LHFPL6: variants seen among roughly 807,000 people sequenced by gnomAD.
LHFPL6 encodes the protein LHFPL tetraspan subfamily member 6 protein.
A neutral mutation model predicts 20.6 loss-of-function variants in LHFPL6; 9 were observed. The ratio of observed to expected loss-of-function variants is 0.44; its 90% CI spans 0.26 to 0.76. The LOEUF (loss-of-function observed/expected upper bound fraction) is 0.76. Ranked by LOEUF, LHFPL6 falls within the 30% of genes least tolerant of loss-of-function variation. The probability of loss-of-function intolerance (pLI) is 0.20; values close to 1 mark genes in which losing one functional copy is unlikely to be tolerated. For missense variants in LHFPL6, 218 were observed against 253.5 expected (o/e 0.86, Z 0.95); for synonymous variants, 105 against 98.7 (o/e 1.06, Z -0.38).
chr13:39,359,166 C>T (rs1204122868), intron 3 of LHFPL6, among the ~76,000 whole-genome samples: 1 of 152,082 alleles, frequency 6.6e-6, no homozygotes, highest in Non-Finnish European at 1.5e-5. Context: ...GTCTCCAAAA[C>T]AAAACACCTA....
intron 2 of LHFPL6, among the ~76,000 whole-genome samples, chr13:39,541,546 C>T (rs1363443256): frequency 6.6e-6 from 1 of 152,160 alleles, no homozygotes; most frequent in Admixed American, 6.5e-5. Flanking sequence ...ATCTTATTAT[C>T]CTTCAGGACC....
At chr13:39,386,834 C>T (rs1288871055) in intron 2 of LHFPL6, among the ~76,000 whole-genome samples, 1 of 152,204 alleles carries the variant, frequency 6.6e-6, no homozygotes, top group Non-Finnish European at 1.5e-5. Flanking sequence ...GCACCTATTA[C>T]TGGTTCTTTG....
intron 2 of LHFPL6, among the ~76,000 whole-genome samples, chr13:39,435,641 A>G (rs1482486228): frequency 6.6e-6 from 1 of 152,220 alleles, no homozygotes; most frequent in Non-Finnish European, 1.5e-5. Flanking sequence ...ATACATATGT[A>G]TATACTACAT....
intron 2 of LHFPL6, among the ~76,000 whole-genome samples, chr13:39,401,802 G>A (rs1870997173): frequency 6.6e-6 from 1 of 152,152 alleles, no homozygotes; most frequent in South Asian, 2.1e-4. Flanking sequence ...ATTTCAAAAA[G>A]CCAATTAGCT....
At chr13:39,385,357 T>C (rs887007218) in intron 2 of LHFPL6, among the ~76,000 whole-genome samples, 1 of 152,228 alleles carries the variant, frequency 6.6e-6, no homozygotes, top group Non-Finnish European at 1.5e-5. Context: ...AATTAAAATA[T>C]TTTAAGACTA....
intron 2 of LHFPL6, among the ~76,000 whole-genome samples, chr13:39,551,587 C>T (rs1035307199): frequency 6.6e-5 from 10 of 152,162 alleles, no homozygotes; most frequent in Admixed American, 2.6e-4. Flanking sequence ...GCTCCACTGC[C>T]TTCCCTTTTA....
intron 2 of LHFPL6, among the ~76,000 whole-genome samples, chr13:39,502,083 C>T (rs1275809060): frequency 6.6e-6 from 1 of 152,172 alleles, no homozygotes; most frequent in Non-Finnish European, 1.5e-5. Flanking sequence ...AAGTGCCACA[C>T]TGGGGAAAAT....
chr13:39,506,044 T>C (rs1227719540), intron 2 of LHFPL6, among the ~76,000 whole-genome samples: 1 of 152,204 alleles, frequency 6.6e-6, no homozygotes, highest in Admixed American at 6.5e-5. Context: ...CACCTTGTCA[T>C]GCAGGTGATC....
chr13:39,576,697 G>A (rs1291197053), intron 2 of LHFPL6, among the ~76,000 whole-genome samples: 1 of 152,102 alleles, frequency 6.6e-6, no homozygotes, highest in African/African-American at 2.4e-5. Context: ...GCAGTGGGGT[G>A]ATCATGGCTC....
intron 2 of LHFPL6, among the ~76,000 whole-genome samples, chr13:39,540,312 G>A (rs570225031): frequency 6.6e-6 from 1 of 152,158 alleles, no homozygotes; most frequent in Admixed American, 6.5e-5. Flanking sequence ...TATTAGTTAG[G>A]AGTCTTAATT....
chr13:39,378,385 G>A, intron 3 of LHFPL6, 43 bp downstream of exon 3: 1 of 1,506,086 alleles, frequency 6.6e-7, no homozygotes, highest in Non-Finnish European at 9.2e-7. Flanking sequence ...CATCAGATAA[G>A]GTTCTTTTTC....
intron 3 of LHFPL6, among the ~76,000 whole-genome samples, chr13:39,351,319 C>A (rs901704196): frequency 6.6e-6 from 1 of 152,028 alleles, no homozygotes; most frequent in Non-Finnish European, 1.5e-5. Context: ...TTATACTTTC[C>A]AACATTATTC....
chr13:39,601,089 G>C lies in LHFPL6; in HGVS notation c.128C>G (p.Ser43Cys), dbSNP rs1268531856. The C allele has an allele frequency of 6.2e-7, 1 of 1,614,066 alleles. No homozygotes were observed. Among genetic ancestry groups the C allele is most frequent in the Non-Finnish European group, 8.5e-7 (1 of 1,180,046 alleles). The change falls in exon 2 of 4, where the codon TCC becomes TGC. Residue 43 changes from serine (S) to cysteine (C), a missense_variant. Physicochemically the swap from Ser to Cys is moderately radical, Grantham distance 112 (BLOSUM62 -1). Transcript: ENST00000379589. ...TGAGCACCTCCGGAAGGTACCGAAG[G>C]ACACAGGCTTGCCCAGCTGTGATCC... The part of the protein sequence containing the change: ...LWGSQLGKPV[S>C]FGTFRRCSYP...
At chr13:39,541,104 T>G (rs935879799) in intron 2 of LHFPL6, among the ~76,000 whole-genome samples, 1 of 152,192 alleles carries the variant, frequency 6.6e-6, no homozygotes. Flanking sequence ...GTTTTGTTAA[T>G]GATAACCATC....
At chr13:39,398,084 C>T (rs1029911601) in intron 2 of LHFPL6, among the ~76,000 whole-genome samples, 7 of 152,140 alleles carry the variant, frequency 4.6e-5, no homozygotes, top group African/African-American at 4.8e-5. Flanking sequence ...GGGTGTGTTC[C>T]GTGGGCCCTC....
chr13:39,537,191 G>A (rs1870647283), intron 2 of LHFPL6, among the ~76,000 whole-genome samples: 1 of 152,172 alleles, frequency 6.6e-6, no homozygotes, highest in Non-Finnish European at 1.5e-5. Flanking sequence ...ATTCCTGCCT[G>A]AGAATAATGG....
intron 2 of LHFPL6, among the ~76,000 whole-genome samples, chr13:39,396,251 G>A (rs926630607): frequency 5.9e-5 from 9 of 152,022 alleles, no homozygotes; most frequent in African/African-American, 2.2e-4. Flanking sequence ...CTTTCTGATG[G>A]GGCTGCACCT....
At chr13:39,441,278 A>T (rs1318794339) in intron 2 of LHFPL6, among the ~76,000 whole-genome samples, 1 of 149,094 alleles carries the variant, frequency 6.7e-6, no homozygotes, top group African/African-American at 2.5e-5. Context: ...GAGCCGCTGC[A>T]CCTGGCCCCT....
intron 2 of LHFPL6, among the ~76,000 whole-genome samples, chr13:39,581,754 T>C (rs1483953673): frequency 6.6e-6 from 1 of 152,106 alleles, no homozygotes; most frequent in African/African-American, 2.4e-5. Flanking sequence ...TCCTATAAAG[T>C]ACAAACTTCT....
Sources: gnomAD v4.1 joint callset for allele counts (sites outside exome capture counted in the v4.1 genomes callset) on GRCh38, gnomAD v4.1.1 for gene constraint, MANE v1.5 for transcripts, NCBI Gene and HGNC (gene_info 2026-07-23, HGNC 2026-07-21) for gene names.